Variants in PTPRR observed in about 807,000 individuals in gnomAD.
The protein encoded by PTPRR is receptor-type tyrosine-protein phosphatase R.
PTPRR carries 38 observed loss-of-function variants against 77.2 expected under a neutral mutation model. The ratio of observed to expected loss-of-function variants is 0.49; its 90% CI spans 0.38 to 0.65. The LOEUF (loss-of-function observed/expected upper bound fraction) is 0.65, where lower values mean the gene tolerates loss of function less well. Ranked by LOEUF, PTPRR falls within the 30% of genes least tolerant of loss-of-function variation. The pLI is 0.00. For synonymous variants in PTPRR, 299 were observed against 283.1 expected (o/e 1.06, Z -0.57); for missense variants, 744 against 799.2 (o/e 0.93, Z 0.83).
chr12:70,819,056 C>G (rs1036509451), intron 2 of PTPRR, among the ~76,000 whole-genome samples: 1 of 152,182 alleles, frequency 6.6e-6, no homozygotes, highest in African/African-American at 2.4e-5. Context: ...TGTGGTGGCT[C>G]ACACCTGTAA....
At chr12:70,658,131 T>C (rs1886651623) in intron 12 of PTPRR, among the ~76,000 whole-genome samples, 1 of 152,216 alleles carries the variant, frequency 6.6e-6, no homozygotes, top group South Asian at 2.1e-4. Context: ...TTTTGCTGTC[T>C]TCCCTCCCGT....
At chr12:70,818,043 C>G (rs1374967694) in intron 2 of PTPRR, among the ~76,000 whole-genome samples, 1 of 151,976 alleles carries the variant, frequency 6.6e-6, no homozygotes, top group Non-Finnish European at 1.5e-5. Flanking sequence ...GAAACCCCAT[C>G]TCTACTAAAA....
intron 2 of PTPRR, among the ~76,000 whole-genome samples, chr12:70,868,289 C>G (rs185933433): frequency 8.6e-5 from 13 of 151,824 alleles, no homozygotes. Context: ...ACCTACTCAT[C>G]TGACAAAGGG....
chr12:70,740,325 G>A (rs977457341), intron 6 of PTPRR, among the ~76,000 whole-genome samples: 3 of 151,526 alleles, frequency 2.0e-5, no homozygotes, highest in African/African-American at 4.8e-5. Context: ...ATGATTTGGC[G>A]ATTAGTTTGA....
At chr12:70,767,119 T>C (rs1173532589) in intron 2 of PTPRR, among the ~76,000 whole-genome samples, 3 of 150,902 alleles carry the variant, frequency 2.0e-5, no homozygotes, top group Non-Finnish European at 4.4e-5. Flanking sequence ...ATGAGCAAAA[T>C]AATCAGCTAA....
chr12:70,866,326 G>A (rs1456601039), intron 2 of PTPRR, among the ~76,000 whole-genome samples: 2 of 152,044 alleles, frequency 1.3e-5, no homozygotes, highest in Non-Finnish European at 2.9e-5. Context: ...TCAAATAGAT[G>A]CAATAAAAAA....
chr12:70,808,340 A>G (rs1891748209), intron 2 of PTPRR, among the ~76,000 whole-genome samples: 1 of 152,044 alleles, frequency 6.6e-6, no homozygotes, highest in African/African-American at 2.4e-5. Flanking sequence ...TGCCCTGCTC[A>G]TCTGCCTTGT....
At chr12:70,797,934 G>A (rs1891544984) in intron 2 of PTPRR, among the ~76,000 whole-genome samples, 1 of 152,054 alleles carries the variant, frequency 6.6e-6, no homozygotes, top group Admixed American at 6.5e-5. Flanking sequence ...TCAGTCCCAT[G>A]TTTTACACAT....
At chr12:70,785,894 AC>A (rs1184084602) in intron 2 of PTPRR, among the ~76,000 whole-genome samples, 2 of 152,164 alleles carry the variant, frequency 1.3e-5, no homozygotes, top group African/African-American at 4.8e-5. Context: ...AGTCAACAGA[AC>A]TTTCCACCTT....
At chr12:70,641,906 C>T (rs975557331) in intron 13 of PTPRR, among the ~76,000 whole-genome samples, 6 of 152,192 alleles carry the variant, frequency 3.9e-5, no homozygotes, top group African/African-American at 1.2e-4. Context: ...AAACAGCCAT[C>T]AAAGTCCTAT....
intron 2 of PTPRR, among the ~76,000 whole-genome samples, chr12:70,817,854 G>A (rs1427778968): frequency 1.3e-5 from 2 of 152,146 alleles, no homozygotes; most frequent in African/African-American, 4.8e-5. Context: ...AGCTTTAATA[G>A]CTTTCTGAAA....
At chr12:70,819,833 T>C (rs1891972767) in intron 2 of PTPRR, among the ~76,000 whole-genome samples, 1 of 152,074 alleles carries the variant, frequency 6.6e-6, no homozygotes, top group African/African-American at 2.4e-5. Context: ...ATAATATAAA[T>C]GTGTACACTT....
At chr12:70,806,720 C>T (rs763238847) in intron 2 of PTPRR, among the ~76,000 whole-genome samples, 14 of 152,268 alleles carry the variant, frequency 9.2e-5, no homozygotes, top group East Asian at 1.9e-4. Flanking sequence ...TTATTCTGTT[C>T]GGAATCGTAG....
At chr12:70,845,918 C>A (rs1892476523) in intron 2 of PTPRR, among the ~76,000 whole-genome samples, 1 of 151,960 alleles carries the variant, frequency 6.6e-6, no homozygotes, top group African/African-American at 2.4e-5. Context: ...GATTTATGAC[C>A]AATTGTTTCA....
At chr12:70,784,224 C>G (rs1891271841) in intron 2 of PTPRR, among the ~76,000 whole-genome samples, 1 of 152,182 alleles carries the variant, frequency 6.6e-6, no homozygotes, top group Non-Finnish European at 1.5e-5. Context: ...CAGGGGTACC[C>G]AGGTTGCAGT....
At chr12:70,667,439 C>G (rs963268126) in intron 10 of PTPRR, among the ~76,000 whole-genome samples, 1 of 152,120 alleles carries the variant, frequency 6.6e-6, no homozygotes, top group Non-Finnish European at 1.5e-5. Flanking sequence ...TTTCTAGCCA[C>G]CCTTAATTGC....
intron 13 of PTPRR, 108 bp from the exon 14 acceptor site, chr12:70,639,385 A>T (rs1329681653): frequency 2.1e-6 from 3 of 1,411,010 alleles, no homozygotes; most frequent in Non-Finnish European, 2.9e-6. Context: ...CACATAGAAC[A>T]GTCGACCTAG....
chr12:70,728,300 C>T (rs1319842458), intron 6 of PTPRR, among the ~76,000 whole-genome samples: 1 of 135,756 alleles, frequency 7.4e-6, no homozygotes, highest in Admixed American at 7.9e-5. Context: ...TCTCTGATCT[C>T]TCTCTCTCTC....
intron 1 of PTPRR, among the ~76,000 whole-genome samples, chr12:70,897,554 G>A (rs372729905): frequency 3.5e-4 from 53 of 152,104 alleles, no homozygotes; most frequent in African/African-American, 1.2e-3. Context: ...TACACTGTTG[G>A]TGGGACTGTA....
Sources: gnomAD v4.1 joint callset for allele counts (sites outside exome capture counted in the v4.1 genomes callset) on GRCh38, gnomAD v4.1.1 for gene constraint, MANE v1.5 for transcripts, NCBI Gene and HGNC (gene_info 2026-07-23, HGNC 2026-07-21) for gene names.